The following ITGB3BP variants were observed in gnomAD, a reference collection of about 807,000 sequenced individuals.
The protein encoded by ITGB3BP is integrin subunit beta 3 binding protein.
In ITGB3BP, 27 loss-of-function variants were observed where a neutral mutation model predicts 29.1. The observed-to-expected ratio is 0.93, with a 90% CI of 0.68 to 1.28. The LOEUF is 1.28. Ranked by LOEUF, ITGB3BP falls within the 50% of genes most tolerant of loss-of-function variation. ITGB3BP has a pLI of 0.00. For synonymous variants in ITGB3BP, 61 were observed against 61.4 expected (o/e 0.99, Z 0.03); for missense variants, 192 against 200.2 (o/e 0.96, Z 0.25).
chr1:63,508,801 T>TA (rs1431048078), intron 1 of ITGB3BP, among the ~76,000 whole-genome samples: 1 of 152,102 alleles, frequency 6.6e-6, no homozygotes, highest in Non-Finnish European at 1.5e-5. Context: ...TGAGTTTCTT[T>TA]AAAAAATATA....
intron 8 of ITGB3BP, among the ~76,000 whole-genome samples, chr1:63,441,584 C>T (rs928821602): frequency 6.6e-6 from 1 of 151,972 alleles, no homozygotes; most frequent in Non-Finnish European, 1.5e-5. Context: ...TATGACTACT[C>T]TGACATAGCA....
At chr1:63,494,594 A>T (rs765691444) in intron 2 of ITGB3BP, among the ~76,000 whole-genome samples, 4 of 152,202 alleles carry the variant, frequency 2.6e-5, no homozygotes, top group Non-Finnish European at 5.9e-5. Context: ...ATACTGAATT[A>T]TACATTTGCT....
At chr1:63,468,095 C>A (rs1258073480) in intron 4 of ITGB3BP, among the ~76,000 whole-genome samples, 2 of 152,190 alleles carry the variant, frequency 1.3e-5, no homozygotes, top group East Asian at 3.9e-4. Context: ...TCTCTCACTG[C>A]AAACCAGTTC....
chr1:63,478,757 A>G lies in ITGB3BP; in HGVS notation c.254+7T>C, dbSNP rs893875139. On this transcript the variant is annotated splice_region_variant and intron_variant, in intron 4 of 8. Coordinates refer to ENST00000271002, the MANE Select transcript of ITGB3BP (RefSeq NM_014288.5). Reference sequence around the variant, plus strand: ...CACATATATAATTTCAAAAATAACAAACTTACTCATCATTGTCTTTTGTTG... The same window carrying G: ...CACATATATAATTTCAAAAATAACAGACTTACTCATCATTGTCTTTTGTTG... 2 of 1,356,446 alleles carry G rather than the reference A, an allele frequency of 1.5e-6. No individual in the cohort carries two copies. The highest frequency in any genetic ancestry group is 2.0e-6 in the Non-Finnish European group (2 of 985,684). The allele number at this position is 1,356,446 out of a possible 1,614,324, so 84.0% of individuals were successfully genotyped here. A position where few individuals can be genotyped will look rare whatever the true frequency, so the allele number is the denominator to read the frequency against.
intron 1 of ITGB3BP, chr1:63,510,149 C>A: frequency 3.3e-6 from 2 of 607,066 alleles, no homozygotes; most frequent in South Asian, 3.7e-5. Context: ...GAAATCGTGC[C>A]ATTGCACTCT....
intron 2 of ITGB3BP, among the ~76,000 whole-genome samples, chr1:63,500,628 G>C (rs769572359): frequency 6.6e-6 from 1 of 152,158 alleles, no homozygotes; most frequent in Non-Finnish European, 1.5e-5. Flanking sequence ...AAGATAATAA[G>C]CGAGATCTAA....
intron 1 of ITGB3BP, among the ~76,000 whole-genome samples, chr1:63,512,563 A>G (rs1042503731): frequency 2.0e-5 from 3 of 152,150 alleles, no homozygotes; most frequent in Non-Finnish European, 4.4e-5. Flanking sequence ...ATGGGGGGTA[A>G]AGAATAAACT....
In ITGB3BP at chr1:63,516,596, G is replaced by A. The variant is rs559979122; in HGVS notation, c.5+6533C>T. Reference sequence around the variant, plus strand: ...GTGGTGGTGTACACCTGTAGTCCCAGCTACTTGGAAGGCTGAGGCAGGAGG... The same window carrying A: ...GTGGTGGTGTACACCTGTAGTCCCAACTACTTGGAAGGCTGAGGCAGGAGG... On this transcript the variant is annotated intron_variant, in intron 1 of 8. Transcript: ENST00000271002. Among the ~76,000 whole-genome samples, 7 of 151,506 alleles carry A rather than the reference G, an allele frequency of 4.6e-5. No individual in the cohort carries two copies. In the East Asian group the frequency reaches 1.4e-3, roughly 30 times the overall value.
At chr1:63,496,641 T>C (rs1645794903) in intron 2 of ITGB3BP, among the ~76,000 whole-genome samples, 5 of 152,206 alleles carry the variant, frequency 3.3e-5, no homozygotes, top group Admixed American at 2.6e-4. Context: ...GTTGTTAAAT[T>C]ATCACCACAA....
At position 63,478,819 on chromosome 1, in the gene ITGB3BP, A is replaced by AT; in HGVS notation, c.198dup (p.Leu67IlefsTer8). On this transcript the variant is annotated frameshift_variant, in exon 4 of 9. Coordinates refer to ENST00000271002, the MANE Select transcript of ITGB3BP (RefSeq NM_014288.5). LOFTEE classifies it high-confidence loss of function. ...CTTTCAGTTAAACTGGGGTGATTCAATTTTTTTCTCTTTTCTATATATGTG... is the reference window on the plus strand; with the variant it reads ...CTTTCAGTTAAACTGGGGTGATTCAATTTTTTTTCTCTTTTCTATATATGTG... 2.2e-6 allele frequency: 3 copies of AT among 1,389,860 alleles called. No individual in the cohort carries two copies. The highest frequency in any genetic ancestry group is 1.4e-5 in the South Asian group (1 of 72,212). 86.1% of individuals were successfully genotyped at this position (1,389,860 alleles called of 1,614,324 possible). A position where few individuals can be genotyped will look rare whatever the true frequency, so the allele number is the denominator to read the frequency against.
chr1:63,449,721 C>T (rs545981108), intron 7 of ITGB3BP: 1 of 154,414 alleles, frequency 6.5e-6, no homozygotes, highest in Non-Finnish European at 1.5e-5. Context: ...TCCAGATAAA[C>T]CCAGAATGTT....
intron 4 of ITGB3BP, among the ~76,000 whole-genome samples, chr1:63,465,957 A>G (rs1365790566): frequency 2.0e-5 from 3 of 152,076 alleles, no homozygotes; most frequent in African/African-American, 7.2e-5. Context: ...TCTGTAGCCT[A>G]TAAGAGTGGA....
At chr1:63,477,588 C>T (rs927270289) in intron 4 of ITGB3BP, among the ~76,000 whole-genome samples, 1 of 152,074 alleles carries the variant, frequency 6.6e-6, no homozygotes, top group African/African-American at 2.4e-5. Flanking sequence ...GGCGTGGTGG[C>T]GTGGACCTGT....
intron 4 of ITGB3BP, among the ~76,000 whole-genome samples, chr1:63,463,972 TAAATG>T (rs1345334891): frequency 6.6e-6 from 1 of 151,672 alleles, no homozygotes. Flanking sequence ...TAAGAAAAAA[TAAATG>T]AAACTGCTTA....
chr1:63,501,392 T>C (rs9436239), intron 2 of ITGB3BP, among the ~76,000 whole-genome samples: 107,106 of 147,378 alleles, frequency 0.73, 39,616 homozygotes, highest in Non-Finnish European at 0.83. Context: ...ACTCCATTTA[T>C]ATGAAATGGT....
chr1:63,517,688 T>C (rs185759909), intron 1 of ITGB3BP, among the ~76,000 whole-genome samples: 4 of 152,292 alleles, frequency 2.6e-5, no homozygotes, highest in Non-Finnish European at 5.9e-5. Context: ...ATACATGATG[T>C]CATTGTTGAA....
chr1:63,447,090 AT>A (rs1292243349), intron 7 of ITGB3BP: 1 of 490,084 alleles, frequency 2.0e-6, no homozygotes. Flanking sequence ...CAAGACATTT[AT>A]TACAATACAT....
intron 8 of ITGB3BP, chr1:63,446,505 A>G (rs1570112689): frequency 6.7e-6 from 2 of 296,512 alleles, no homozygotes; most frequent in East Asian, 1.2e-4. Context: ...AGCTATTTAT[A>G]TGAAAGATGC....
intron 3 of ITGB3BP, among the ~76,000 whole-genome samples, chr1:63,485,766 T>C (rs1645516324): frequency 6.6e-6 from 1 of 152,082 alleles, no homozygotes; most frequent in Admixed American, 6.6e-5. Context: ...ATTATTGCAT[T>C]TTCTGCTGGA....
Sources: gnomAD v4.1 joint callset for allele counts (sites outside exome capture counted in the v4.1 genomes callset) on GRCh38, gnomAD v4.1.1 for gene constraint, MANE v1.5 for transcripts, NCBI Gene and HGNC (gene_info 2026-07-23, HGNC 2026-07-21) for gene names.